GLRB: variants seen among roughly 807,000 people sequenced by gnomAD.
The protein encoded by GLRB is glycine receptor beta.
A neutral mutation model predicts 54.2 loss-of-function variants in GLRB; 33 were observed. The ratio of observed to expected loss-of-function variants is 0.61; its 90% CI spans 0.46 to 0.81. The LOEUF (loss-of-function observed/expected upper bound fraction) is 0.81, where lower values mean the gene tolerates loss of function less well. Ranked by LOEUF, GLRB falls within the 40% of genes least tolerant of loss-of-function variation. The pLI is 0.00. For missense variants in GLRB, 572 were observed against 584.6 expected, an observed-to-expected ratio of 0.98 and a Z score of 0.22; for synonymous variants, 209 against 208.2, an observed-to-expected ratio of 1.00 and a Z score of -0.03.
At chr4:157,148,647 T>C (rs1736903740) in intron 8 of GLRB, among the ~76,000 whole-genome samples, 1 of 152,204 alleles carries the variant, frequency 6.6e-6, no homozygotes, top group African/African-American at 2.4e-5. Context: ...TAGAGTTTTT[T>C]ATGGGTACCT....
intron 9 of GLRB, among the ~76,000 whole-genome samples, chr4:157,163,269 A>G (rs1579255234): frequency 6.6e-6 from 1 of 151,728 alleles, no homozygotes; most frequent in Non-Finnish European, 1.5e-5. Flanking sequence ...GAATTCCCCA[A>G]CCCCTTGCAC....
At chr4:157,112,296 C>T (rs1270483862) in intron 2 of GLRB, among the ~76,000 whole-genome samples, 1 of 151,404 alleles carries the variant, frequency 6.6e-6, no homozygotes, top group Admixed American at 6.6e-5. Flanking sequence ...TTTATCTAAA[C>T]TCACAGCTTT....
intron 2 of GLRB, among the ~76,000 whole-genome samples, chr4:157,086,805 A>G (rs541564386): frequency 1.4e-4 from 21 of 152,308 alleles, no homozygotes; most frequent in African/African-American, 4.6e-4. Flanking sequence ...CACGACCCAA[A>G]TAACATCAAT....
In GLRB at chr4:157,170,802, G is replaced by C; in HGVS notation, c.*74G>C. The C allele has an allele frequency of 1.2e-6, 1 of 835,780 alleles. No individual in the cohort carries two copies. The highest frequency in any genetic ancestry group is 2.0e-5 in the South Asian group (1 of 49,822). The allele number at this position is 835,780 out of a possible 1,614,324, so 51.8% of individuals were successfully genotyped here. On this transcript the variant is annotated 3_prime_UTR_variant, in exon 10 of 10. Transcript: ENST00000264428. ...ACTCCTTTCATAAATGCCAATCTGT[G>C]AGAACTTTTGAATTTTCATAGCAAC...
Position 157,156,949 on chromosome 4 carries a change from G to A in GLRB, c.1197+3939G>A, listed in dbSNP as rs184996381. Among the ~76,000 whole-genome samples, 299 of 152,280 alleles carry A rather than the reference G, an allele frequency of 2.0e-3. 1 individual carries two copies. Among genetic ancestry groups the A allele is most frequent in the African/African-American group, 7.0e-3 (291 of 41,560 alleles). ...TGCTTTCTCTGGCTCTGTTCTGTCAGGGGAAGGATGAGTGCTGCTTCATTA... is the reference window on the plus strand; with the variant it reads ...TGCTTTCTCTGGCTCTGTTCTGTCAAGGGAAGGATGAGTGCTGCTTCATTA... On this transcript the variant is annotated intron_variant, in intron 9 of 9. Coordinates refer to ENST00000264428, the MANE Select transcript of GLRB (RefSeq NM_000824.5).
intron 9 of GLRB, among the ~76,000 whole-genome samples, chr4:157,154,625 T>C (rs111507615): frequency 0.052 from 7,887 of 151,912 alleles, 332 homozygotes; most frequent in African/African-American, 0.12. Flanking sequence ...TGGGGTTTCT[T>C]CATGTTGGTC....
chr4:157,143,643 G>A (rs1736696566), intron 7 of GLRB, among the ~76,000 whole-genome samples, 164 bp from the exon 8 acceptor site: 1 of 152,130 alleles, frequency 6.6e-6, no homozygotes, highest in African/African-American at 2.4e-5. Context: ...CACCCTTTTA[G>A]ATCACATAAA....
rs1331582875 is a variant in GLRB at position 157,170,884 on chromosome 4, G to A, written c.*156G>A. On this transcript the variant is annotated 3_prime_UTR_variant, in exon 10 of 10. Coordinates refer to ENST00000264428, the MANE Select transcript of GLRB (RefSeq NM_000824.5). ...AAACTGTGGCACCTTAATTTTGAAT[G>A]GCAGCATGATCATGTAATATCTGTG... The A allele has an allele frequency of 1.8e-6, 1 of 567,796 alleles. No individual in the cohort carries two copies. Among genetic ancestry groups the A allele is most frequent in the Non-Finnish European group, 3.1e-6 (1 of 321,404 alleles). 35.2% of individuals were successfully genotyped at this position (567,796 alleles called of 1,614,324 possible).
At chr4:157,106,267 T>G (rs894081474) in intron 2 of GLRB, among the ~76,000 whole-genome samples, 7 of 152,144 alleles carry the variant, frequency 4.6e-5, no homozygotes, top group Non-Finnish European at 1.0e-4. Context: ...AATCCACTGA[T>G]AGTCTTATGG....
At chr4:157,124,817 G>A (rs1175810699) in intron 4 of GLRB, among the ~76,000 whole-genome samples, 4 of 151,786 alleles carry the variant, frequency 2.6e-5, no homozygotes, top group East Asian at 1.9e-4. Context: ...ATGCCTAAAT[G>A]TTTAAGATCA....
Position 157,171,490 on chromosome 4 carries a change from A to G in GLRB, c.*762A>G, listed in dbSNP as rs1481228427. 6.6e-6 allele frequency: 1 copy of G among 152,262 alleles called. No individual in the cohort carries two copies. The highest frequency in any genetic ancestry group is 1.5e-5 in the Non-Finnish European group (1 of 67,776). 9.4% of individuals were successfully genotyped at this position (152,262 alleles called of 1,614,324 possible). On this transcript the variant is annotated 3_prime_UTR_variant, in exon 10 of 10. Coordinates refer to ENST00000264428, the MANE Select transcript of GLRB (RefSeq NM_000824.5). ...TTAAAACCTAAATGTATTTTCATGG[A>G]TTTCATTTGTTGGTACATATTACAC...
intron 4 of GLRB, among the ~76,000 whole-genome samples, chr4:157,126,891 T>C (rs1736034065): frequency 6.6e-6 from 1 of 151,934 alleles, no homozygotes; most frequent in African/African-American, 2.4e-5. Context: ...GTTTATACAA[T>C]CTATTTTCTT....
At chr4:157,165,596 A>G (rs1281045853) in intron 9 of GLRB, among the ~76,000 whole-genome samples, 1 of 152,042 alleles carries the variant, frequency 6.6e-6, no homozygotes, top group Non-Finnish European at 1.5e-5. Context: ...CCTGTATACA[A>G]AAACATGTTA....
chr4:157,120,547 C>T lies in GLRB; in HGVS notation c.123-9C>T. The T allele has an allele frequency of 6.8e-7, 1 of 1,478,652 alleles. No homozygotes were observed. The highest frequency in any genetic ancestry group is 1.1e-5 in the South Asian group (1 of 88,178). The allele number at this position is 1,478,652 out of a possible 1,614,324, so 91.6% of individuals were successfully genotyped here. ...TAACTACTTATCAGGATTTTTCTCT[C>T]TCTTATAGTCAGCAGTCAGCAGAGG... On this transcript the variant is annotated splice_polypyrimidine_tract_variant and intron_variant, in intron 2 of 9. Coordinates refer to ENST00000264428, the MANE Select transcript of GLRB (RefSeq NM_000824.5).
intron 2 of GLRB, among the ~76,000 whole-genome samples, chr4:157,088,354 A>G (rs1252335170): frequency 6.6e-6 from 1 of 152,158 alleles, no homozygotes. Context: ...TTCTACTTGT[A>G]TGTGTCTGGA....
chr4:157,109,802 C>T (rs1247279147), intron 2 of GLRB, among the ~76,000 whole-genome samples: 1 of 151,936 alleles, frequency 6.6e-6, no homozygotes, highest in Non-Finnish European at 1.5e-5. Flanking sequence ...TTATTTTTAC[C>T]CATTTATTGT....
chr4:157,162,340 C>A (rs1472786171), intron 9 of GLRB, among the ~76,000 whole-genome samples: 3 of 152,348 alleles, frequency 2.0e-5, no homozygotes, highest in African/African-American at 7.2e-5. Context: ...TCTCTCAACT[C>A]GTCAAAGTCA....
At chr4:157,148,146 G>T (rs1044608276) in intron 8 of GLRB, among the ~76,000 whole-genome samples, 2 of 152,106 alleles carry the variant, frequency 1.3e-5, no homozygotes, top group African/African-American at 4.8e-5. Context: ...GATGTTAGAT[G>T]AGTTGTGAAT....
rs1312008075 is a variant in GLRB at position 157,171,401 on chromosome 4, A to C, written c.*673A>C. 1 of 152,400 alleles carries C rather than the reference A, an allele frequency of 6.6e-6. No individual in the cohort carries two copies. Among genetic ancestry groups the C allele is most frequent in the African/African-American group, 2.4e-5 (1 of 41,454 alleles). The allele number at this position is 152,400 out of a possible 1,614,324, so 9.4% of individuals were successfully genotyped here. A position where few individuals can be genotyped will look rare whatever the true frequency, so the allele number is the denominator to read the frequency against. On this transcript the variant is annotated 3_prime_UTR_variant, in exon 10 of 10. Coordinates refer to ENST00000264428, the MANE Select transcript of GLRB (RefSeq NM_000824.5). ...ATGTAACTGTATACTGAATTCTGAC[A>C]AAATAAAAAAAGATACCTTATTGAC...
Sources: gnomAD v4.1 joint callset for allele counts (sites outside exome capture counted in the v4.1 genomes callset) on GRCh38, gnomAD v4.1.1 for gene constraint, MANE v1.5 for transcripts, NCBI Gene and HGNC (gene_info 2026-07-23, HGNC 2026-07-21) for gene names.